PTTG1IP2: variants seen among roughly 807,000 people sequenced by gnomAD.
The protein encoded by PTTG1IP2 is PTTG1IP family member 2.
intron 3 of PTTG1IP2, among the ~76,000 whole-genome samples, chr7:90,488,050 C>T (rs1474613251): frequency 6.6e-6 from 1 of 152,130 alleles, no homozygotes; most frequent in African/African-American, 2.4e-5. Context: ...ACTTTTGGTA[C>T]GTTATACAAT....
At chr7:90,486,800 C>T (rs1229973548) in intron 2 of PTTG1IP2, among the ~76,000 whole-genome samples, 2 of 152,132 alleles carry the variant, frequency 1.3e-5, no homozygotes, top group Non-Finnish European at 2.9e-5. Flanking sequence ...TTTCCTAAAC[C>T]TAGAGTCTGA....
chr7:90,511,459 G>A (rs1039154259), intron 6 of PTTG1IP2, among the ~76,000 whole-genome samples: 2 of 152,046 alleles, frequency 1.3e-5, no homozygotes, highest in African/African-American at 4.8e-5. Context: ...TAATGACCCT[G>A]CCATTACTAT....
chr7:90,483,086 C>G (rs904898641), intron 2 of PTTG1IP2, among the ~76,000 whole-genome samples: 2 of 151,996 alleles, frequency 1.3e-5, no homozygotes, highest in African/African-American at 4.8e-5. Context: ...GGAGAATGGA[C>G]AAGGTGATGG....
intron 4 of PTTG1IP2, 101 bp downstream of exon 4, chr7:90,489,065 T>TA (rs1383918459): frequency 6.7e-6 from 1 of 149,020 alleles, no homozygotes; most frequent in Admixed American, 6.7e-5. Context: ...TTTTATGTAA[T>TA]AAAAATAATA....
At chr7:90,498,474 G>A (rs1001288089) in intron 6 of PTTG1IP2, among the ~76,000 whole-genome samples, 6 of 152,144 alleles carry the variant, frequency 3.9e-5, no homozygotes, top group African/African-American at 1.4e-4. Context: ...AGAGATGGAA[G>A]AAGATATTCA....
Position 90,488,246 on chromosome 7 carries a change from C to T in PTTG1IP2, c.287-625C>T, listed in dbSNP as rs11563424. Among the ~76,000 whole-genome samples, 87 of 152,004 alleles carry T rather than the reference C, an allele frequency of 5.7e-4. 1 individual carries two copies. The highest frequency in any genetic ancestry group is 9.2e-4 in the Admixed American group (14 of 15,272). On this transcript the variant is annotated intron_variant, in intron 3 of 6. Coordinates refer to ENST00000509356, the MANE Select transcript of PTTG1IP2 (RefSeq NM_001365443.2). ...TTGCCCTCAAATCTCTGTTTCTTTC[C>T]GGTACTATCAGATATATTTAAATCA...
Position 90,490,507 on chromosome 7 carries a change from A to G in PTTG1IP2, c.380+1543A>G, listed in dbSNP as rs572976953. ...GTTTAGGACCTCAACTTGGTCAGGA[A>G]CTTTGTATTTTTCTGGCTTAGAGAT... is the stretch of plus-strand genomic sequence containing the variant. On this transcript the variant is annotated intron_variant, in intron 4 of 6. Coordinates refer to ENST00000509356, the MANE Select transcript of PTTG1IP2 (RefSeq NM_001365443.2). 6.6e-5 allele frequency among the ~76,000 whole-genome samples: 10 copies of G among 151,734 alleles called. No homozygotes were observed. The South Asian group carries it at 2.1e-3, about 32-fold the overall frequency.
intron 6 of PTTG1IP2, among the ~76,000 whole-genome samples, chr7:90,497,285 C>CCGGG (rs1186179457): frequency 1.3e-5 from 2 of 152,014 alleles, no homozygotes; most frequent in African/African-American, 4.8e-5. Context: ...AAAGTTAAGG[C>CCGGG]CGGGCGCAGT....
chr7:90,488,490 C>T (rs1298259810), intron 3 of PTTG1IP2, among the ~76,000 whole-genome samples: 1 of 151,968 alleles, frequency 6.6e-6, no homozygotes, highest in Non-Finnish European at 1.5e-5. Flanking sequence ...GAAATTCAAA[C>T]AATAAATCAT....
At chr7:90,511,983 T>C (rs1337633599) in intron 6 of PTTG1IP2, among the ~76,000 whole-genome samples, 2 of 152,236 alleles carry the variant, frequency 1.3e-5, no homozygotes, top group Non-Finnish European at 2.9e-5. Flanking sequence ...AAACACTCAG[T>C]AAATAGCAGC....
At chr7:90,472,770 A>G (rs900123047) in intron 1 of PTTG1IP2, among the ~76,000 whole-genome samples, 1 of 152,192 alleles carries the variant, frequency 6.6e-6, no homozygotes, top group East Asian at 1.9e-4. Context: ...CCAGTGTTAT[A>G]TATACACAGA....
chr7:90,506,490 T>TG (rs1189141406), intron 6 of PTTG1IP2, among the ~76,000 whole-genome samples: 2 of 152,072 alleles, frequency 1.3e-5, no homozygotes, highest in Admixed American at 6.5e-5. Flanking sequence ...AGGCTGGGCT[T>TG]GGGGACTCAC....
rs553272941 is a variant in PTTG1IP2 at position 90,483,045 on chromosome 7, T to G, written c.192+3771T>G. 1.6e-3 allele frequency among the ~76,000 whole-genome samples: 246 copies of G among 151,816 alleles called. 2 individuals are homozygous for G. Among genetic ancestry groups the G allele is most frequent in the African/African-American group, 5.6e-3 (232 of 41,438 alleles). ...TGATATTTATTTTTCTGAAAAATTG[T>G]GTGTGTGTGTGTGGTAGGGCATGGA... is the stretch of plus-strand genomic sequence containing the variant. On this transcript the variant is annotated intron_variant, in intron 2 of 6. Transcript: ENST00000509356.
chr7:90,509,306 G>A (rs1798158883), intron 6 of PTTG1IP2, among the ~76,000 whole-genome samples: 1 of 152,068 alleles, frequency 6.6e-6, no homozygotes, highest in African/African-American at 2.4e-5. Flanking sequence ...CCAAACAAGG[G>A]TGGTAGCACT....
chr7:90,486,467 C>CTTTTTTTTTTTTT (rs532687452), intron 2 of PTTG1IP2, among the ~76,000 whole-genome samples: 2 of 119,220 alleles, frequency 1.7e-5, no homozygotes, highest in African/African-American at 3.1e-5. Flanking sequence ...CTTTGTCTTC[C>CTTTTTTTTTTTTT]TTTTTTTTTT....
At chr7:90,502,528 T>C (rs1798071441) in intron 6 of PTTG1IP2, among the ~76,000 whole-genome samples, 1 of 152,222 alleles carries the variant, frequency 6.6e-6, no homozygotes, top group South Asian at 2.1e-4. Flanking sequence ...CCTTAGGAAA[T>C]GTATTTCTTA....
chr7:90,474,956 C>T (rs545080665), intron 1 of PTTG1IP2, among the ~76,000 whole-genome samples: 2 of 152,316 alleles, frequency 1.3e-5, no homozygotes, highest in Admixed American at 6.5e-5. Context: ...AGTAGATTGG[C>T]TTGCCACAAC....
chr7:90,472,291 C>CAT (rs1797699316), intron 1 of PTTG1IP2, among the ~76,000 whole-genome samples: 1 of 78,742 alleles, frequency 1.3e-5, no homozygotes, highest in Admixed American at 1.5e-4. Flanking sequence ...CACACACACA[C>CAT]ACACACACAC....
chr7:90,483,220 A>G (rs949628103), intron 2 of PTTG1IP2, among the ~76,000 whole-genome samples: 1 of 152,148 alleles, frequency 6.6e-6, no homozygotes, highest in Non-Finnish European at 1.5e-5. Flanking sequence ...CCAGCACTTT[A>G]CCACTGTTGG....
Sources: gnomAD v4.1 joint callset for allele counts (sites outside exome capture counted in the v4.1 genomes callset) on GRCh38, gnomAD v4.1.1 for gene constraint, MANE v1.5 for transcripts, NCBI Gene and HGNC (gene_info 2026-07-23, HGNC 2026-07-21) for gene names.